The following CDK15 variants were observed in gnomAD, a reference collection of about 807,000 sequenced individuals.
CDK15 encodes cyclin dependent kinase 15, also known as cyclin-dependent kinase 15.
CDK15 carries 62 observed loss-of-function variants against 60.3 expected under a neutral mutation model. That is an observed-to-expected ratio of 1.03 (90% CI 0.84 to 1.27). The LOEUF is 1.27. CDK15 is among the 50% of genes most tolerant of loss of function. The probability of loss-of-function intolerance (pLI) is 0.00; values close to 1 mark genes in which losing one functional copy is unlikely to be tolerated. For synonymous variants in CDK15, 194 were observed against 195.7 expected, an observed-to-expected ratio of 0.99 and a Z score of 0.07; for missense variants, 541 against 527.8, an observed-to-expected ratio of 1.03 and a Z score of -0.25.
At chr2:201,850,244 T>C (rs1697849973) in intron 9 of CDK15, among the ~76,000 whole-genome samples, 1 of 152,146 alleles carries the variant, frequency 6.6e-6, no homozygotes, top group Admixed American at 6.6e-5. Context: ...GGCAACATAG[T>C]GAGACCCCCA....
At position 201,894,306 on chromosome 2, in the gene CDK15, T is replaced by C. The variant is rs1254188483; in HGVS notation, c.*1039T>C. On this transcript the variant is annotated 3_prime_UTR_variant, in exon 14 of 14. Coordinates refer to ENST00000652192, the MANE Select transcript of CDK15 (RefSeq NM_001366386.2). ...AAGGAGGAACTAATTAAGAGATAAT[T>C]AAAAAATAGTAACTATCCCCCAATG... The C allele has an allele frequency of 6.6e-6, 1 of 151,984 alleles. No homozygotes were observed. Among genetic ancestry groups the C allele is most frequent in the East Asian group, 1.9e-4 (1 of 5,176 alleles). 9.4% of individuals were successfully genotyped at this position (151,984 alleles called of 1,614,324 possible).
At chr2:201,888,097 T>A (rs1699524177) in intron 12 of CDK15, among the ~76,000 whole-genome samples, 1 of 151,712 alleles carries the variant, frequency 6.6e-6, no homozygotes, top group Non-Finnish European at 1.5e-5. Flanking sequence ...AAAAGAGATT[T>A]GATTATCTTG....
At chr2:201,832,805 A>C (rs1158707990) in intron 6 of CDK15, among the ~76,000 whole-genome samples, 1 of 152,198 alleles carries the variant, frequency 6.6e-6, no homozygotes, top group Non-Finnish European at 1.5e-5. Flanking sequence ...GCTTTCTAAG[A>C]TGCTGTTGAA....
rs1200197383 is a variant in CDK15 at position 201,835,657 on chromosome 2, A to C, written c.745A>C (p.Lys249Gln). The change falls in exon 8 of 14, where the codon AAG becomes CAG. Residue 249 changes from lysine (K) to glutamine (Q), a missense_variant. By Grantham distance (53) the Lys-to-Gln change is moderately conservative (BLOSUM62 1). Transcript: ENST00000652192. The stretch of plus-strand genomic sequence containing the variant: ...CTTTTGGACAGGTCTTGCCCGGGCC[A>C]AGTCCATTCCCAGCCAGACATACTC... ...KLADFGLARA[K>Q]SIPSQTYSSE... The C allele has an allele frequency of 6.2e-7, 1 of 1,608,182 alleles. No homozygotes were observed. Among genetic ancestry groups the C allele is most frequent in the Admixed American group, 1.7e-5 (1 of 59,906 alleles).
At chr2:201,831,484 C>CTGTAGTGT (rs1696751371) in intron 6 of CDK15, among the ~76,000 whole-genome samples, 1 of 152,098 alleles carries the variant, frequency 6.6e-6, no homozygotes, top group African/African-American at 2.4e-5. Context: ...GGTGAAGCTT[C>CTGTAGTGT]TGTAGTGTTG....
chr2:201,851,291 CAAAAAAAAAAAAA>C (rs1176883047), intron 9 of CDK15, among the ~76,000 whole-genome samples: 12 of 27,768 alleles, frequency 4.3e-4, no homozygotes, highest in Non-Finnish European at 5.9e-4. Context: ...GACTTCATCT[CAAAAAAAAAAAAA>C]AAAAAAAAAA....
intron 4 of CDK15, among the ~76,000 whole-genome samples, chr2:201,817,083 G>T (rs1480661928): frequency 6.6e-6 from 1 of 152,226 alleles, no homozygotes; most frequent in African/African-American, 2.4e-5. Context: ...TTCAATAAAA[G>T]CTGCTGTCTA....
chr2:201,879,762 A>C (rs1699207604), intron 11 of CDK15, among the ~76,000 whole-genome samples: 1 of 152,144 alleles, frequency 6.6e-6, no homozygotes, highest in African/African-American at 2.4e-5. Flanking sequence ...TTATGTGTAC[A>C]TGGTGCCCAG....
Position 201,883,398 on chromosome 2 carries a change from TC to T in CDK15, c.1198+3233del, listed in dbSNP as rs543571911. On this transcript the variant is annotated intron_variant, in intron 12 of 13. Coordinates refer to ENST00000652192, the MANE Select transcript of CDK15 (RefSeq NM_001366386.2). The stretch of plus-strand genomic sequence containing the variant: ...ATTCCACACAAAATGAAAGAATTGT[TC>T]CAGTCCATCTCTATTTTCATGACGC... Among the ~76,000 whole-genome samples the T allele has an allele frequency of 1.1e-4, 17 of 152,270 alleles. 1 individual carries two copies. The East Asian group carries it at 2.7e-3, about 24-fold the overall frequency.
At chr2:201,815,794 G>A (rs1405963113) in intron 4 of CDK15, among the ~76,000 whole-genome samples, 2 of 152,006 alleles carry the variant, frequency 1.3e-5, no homozygotes, top group Non-Finnish European at 2.9e-5. Flanking sequence ...TGAGGACAAG[G>A]CATATGACAT....
At chr2:201,875,890 A>G (rs2105824795) in intron 11 of CDK15, among the ~76,000 whole-genome samples, 1 of 152,322 alleles carries the variant, frequency 6.6e-6, no homozygotes, top group South Asian at 2.1e-4. Context: ...ACAAATAAGT[A>G]TGAATTATTT....
chr2:201,831,630 T>G (rs888657521), intron 6 of CDK15, among the ~76,000 whole-genome samples: 1 of 152,200 alleles, frequency 6.6e-6, no homozygotes, highest in South Asian at 2.1e-4. Context: ...CACAAATGCC[T>G]GTAGACGTAT....
chr2:201,850,149 A>G (rs1410619618), intron 9 of CDK15, among the ~76,000 whole-genome samples: 1 of 152,186 alleles, frequency 6.6e-6, no homozygotes, highest in Admixed American at 6.5e-5. Flanking sequence ...AAAATACAAT[A>G]TACAGTTAGG....
At chr2:201,857,736 T>C (rs1001820064) in intron 10 of CDK15, among the ~76,000 whole-genome samples, 3 of 152,208 alleles carry the variant, frequency 2.0e-5, no homozygotes, top group Non-Finnish European at 4.4e-5. Flanking sequence ...GTCAGTATTA[T>C]TGATAACTCA....
intron 10 of CDK15, among the ~76,000 whole-genome samples, chr2:201,855,721 G>A (rs1438671671): frequency 1.3e-5 from 2 of 152,022 alleles, no homozygotes; most frequent in African/African-American, 4.8e-5. Context: ...TACAGATAAC[G>A]ACAAGATTAG....
intron 9 of CDK15, among the ~76,000 whole-genome samples, chr2:201,850,703 A>G (rs1359029094): frequency 1.3e-5 from 2 of 152,128 alleles, no homozygotes; most frequent in East Asian, 3.9e-4. Context: ...TAATATTTTG[A>G]GGAACCTCCA....
intron 6 of CDK15, among the ~76,000 whole-genome samples, chr2:201,827,073 A>G (rs1427699534): frequency 6.6e-6 from 1 of 152,228 alleles, no homozygotes; most frequent in East Asian, 1.9e-4. Flanking sequence ...CCTGAAATAC[A>G]GAATATATTA....
At chr2:201,854,572 A>G (rs540775942) in intron 9 of CDK15, among the ~76,000 whole-genome samples, 122 of 152,342 alleles carry the variant, frequency 8.0e-4, no homozygotes, top group African/African-American at 2.8e-3. Context: ...ATAATCATGC[A>G]GTAAATGTTC....
intron 6 of CDK15, among the ~76,000 whole-genome samples, chr2:201,828,772 T>G (rs1267379067): frequency 1.3e-5 from 2 of 152,164 alleles, no homozygotes; most frequent in African/African-American, 2.4e-5. Flanking sequence ...AGTTCAGCTA[T>G]CCAGAAGGTC....
Sources: allele counts gnomAD v4.1 joint callset (sites outside exome capture counted in the v4.1 genomes callset), GRCh38; gene constraint gnomAD v4.1.1; transcripts MANE v1.5; gene names NCBI Gene and HGNC (gene_info 2026-07-23, HGNC 2026-07-21).